Variants in LRFN5 observed in about 807,000 individuals in gnomAD.
LRFN5 encodes the protein leucine-rich repeat and fibronectin type-III domain-containing protein 5.
A neutral mutation model predicts 45.6 loss-of-function variants in LRFN5; 24 were observed. The ratio of observed to expected loss-of-function variants is 0.53; its 90% CI spans 0.38 to 0.74. The LOEUF is 0.74. Ranked by LOEUF, LRFN5 falls within the 30% of genes least tolerant of loss-of-function variation. LRFN5 has a pLI of 0.00. For synonymous variants in LRFN5, 340 were observed against 313.8 expected, an observed-to-expected ratio of 1.08 and a Z score of -0.88; for missense variants, 776 against 861.5, an observed-to-expected ratio of 0.90 and a Z score of 1.24.
At chr14:41,830,410 G>A (rs1258565001) in intron 2 of LRFN5, among the ~76,000 whole-genome samples, 3 of 151,720 alleles carry the variant, frequency 2.0e-5, no homozygotes, top group Admixed American at 1.3e-4. Flanking sequence ...ATATTTAAAG[G>A]GTTTTATTAA....
intron 1 of LRFN5, among the ~76,000 whole-genome samples, chr14:41,725,718 T>C (rs1318531017): frequency 6.6e-6 from 1 of 152,154 alleles, no homozygotes; most frequent in African/African-American, 2.4e-5. Flanking sequence ...TATTTCTAAG[T>C]CTCCACTGAA....
intron 1 of LRFN5, among the ~76,000 whole-genome samples, chr14:41,615,717 A>C (rs925600328): frequency 6.6e-6 from 1 of 152,072 alleles, no homozygotes; most frequent in Non-Finnish European, 1.5e-5. Context: ...CCATTTGATC[A>C]ATGTTTTCTT....
At chr14:41,770,657 G>A (rs1886048580) in intron 2 of LRFN5, among the ~76,000 whole-genome samples, 1 of 152,162 alleles carries the variant, frequency 6.6e-6, no homozygotes, top group Non-Finnish European at 1.5e-5. Flanking sequence ...AAGGACTTGG[G>A]TAGCCCTGTG....
At chr14:41,713,419 TACAAAG>T (rs1203490526) in intron 1 of LRFN5, among the ~76,000 whole-genome samples, 1 of 152,066 alleles carries the variant, frequency 6.6e-6, no homozygotes, top group Non-Finnish European at 1.5e-5. Flanking sequence ...GTACATCTAG[TACAAAG>T]ACAATCTATA....
intron 1 of LRFN5, among the ~76,000 whole-genome samples, chr14:41,717,746 T>C (rs1305761289): frequency 6.6e-6 from 1 of 152,204 alleles, no homozygotes; most frequent in Non-Finnish European, 1.5e-5. Context: ...ACTGTATAAC[T>C]CTAGTGAACA....
At chr14:41,757,948 A>T (rs1193590602) in intron 1 of LRFN5, among the ~76,000 whole-genome samples, 1 of 152,136 alleles carries the variant, frequency 6.6e-6, no homozygotes, top group Non-Finnish European at 1.5e-5. Flanking sequence ...ATCAGAAATC[A>T]ATTCACTCAC....
chr14:41,690,546 C>G (rs1358859674), intron 1 of LRFN5, among the ~76,000 whole-genome samples: 1 of 152,096 alleles, frequency 6.6e-6, no homozygotes, highest in East Asian at 1.9e-4. Context: ...CAAAGCAACA[C>G]TCTGTCTCAA....
intron 2 of LRFN5, among the ~76,000 whole-genome samples, chr14:41,790,589 T>A (rs201005735): frequency 2.7e-5 from 4 of 145,620 alleles, no homozygotes; most frequent in Non-Finnish European, 6.1e-5. Context: ...TTTTTTTTTT[T>A]AAGGGCTGAT....
intron 1 of LRFN5, among the ~76,000 whole-genome samples, chr14:41,628,031 T>C (rs942844279): frequency 6.6e-6 from 1 of 152,190 alleles, no homozygotes; most frequent in Non-Finnish European, 1.5e-5. Context: ...ATTTAACTGA[T>C]AGGTACTTTC....
chr14:41,779,845 G>C (rs555921280), intron 2 of LRFN5, among the ~76,000 whole-genome samples: 1 of 151,842 alleles, frequency 6.6e-6, no homozygotes, highest in Non-Finnish European at 1.5e-5. Flanking sequence ...GTAGTAATTT[G>C]TGTCTTATCT....
intron 1 of LRFN5, among the ~76,000 whole-genome samples, chr14:41,611,555 A>G (rs1030612112): frequency 6.6e-6 from 1 of 152,220 alleles, no homozygotes; most frequent in Non-Finnish European, 1.5e-5. Flanking sequence ...AGATATCTAT[A>G]AGAACAAGCA....
At chr14:41,688,385 A>G (rs1460024889) in intron 1 of LRFN5, among the ~76,000 whole-genome samples, 1 of 152,082 alleles carries the variant, frequency 6.6e-6, no homozygotes, top group African/African-American at 2.4e-5. Flanking sequence ...CCCTGATGTG[A>G]TTATTATATA....
intron 2 of LRFN5, among the ~76,000 whole-genome samples, chr14:41,837,377 G>T (rs1450984677): frequency 6.6e-6 from 1 of 152,062 alleles, no homozygotes; most frequent in Non-Finnish European, 1.5e-5. Context: ...ACAGGGCAGT[G>T]GAGAAAGACA....
chr14:41,814,755 G>T (rs1382016921), intron 2 of LRFN5, among the ~76,000 whole-genome samples: 2 of 151,458 alleles, frequency 1.3e-5, no homozygotes, highest in African/African-American at 4.9e-5. Flanking sequence ...CTTTTTCATT[G>T]TTGGGTATAT....
At chr14:41,719,918 T>C (rs1289404430) in intron 1 of LRFN5, among the ~76,000 whole-genome samples, 3 of 152,070 alleles carry the variant, frequency 2.0e-5, no homozygotes, top group Admixed American at 2.0e-4. Flanking sequence ...ATCTGAACTA[T>C]CTCTCCATAT....
At chr14:41,621,546 T>G (rs1888136885) in intron 1 of LRFN5, among the ~76,000 whole-genome samples, 1 of 152,074 alleles carries the variant, frequency 6.6e-6, no homozygotes, top group South Asian at 2.1e-4. Flanking sequence ...GTGAGACAGG[T>G]GGAATTATAT....
chr14:41,704,438 C>CTGTGTG lies in LRFN5; in HGVS notation c.-196-62415_-196-62414insGTGTGT, dbSNP rs199862342. On this transcript the variant is annotated intron_variant, in intron 1 of 5. Transcript: ENST00000298119. The stretch of plus-strand genomic sequence containing the variant: ...TCTCTCTCTCTCTCTCTCTCTCTCT[C>CTGTGTG]TCTCTCTCTCTGTGTGTGTGTGTCT... 3.9e-4 allele frequency among the ~76,000 whole-genome samples: 44 copies of CTGTGTG among 111,704 alleles called. 2 individuals are homozygous for CTGTGTG. The highest frequency in any genetic ancestry group is 1.1e-3 in the South Asian group (4 of 3,688). 73.3% of individuals were successfully genotyped at this position (111,704 alleles called of 152,430 possible).
intron 2 of LRFN5, among the ~76,000 whole-genome samples, chr14:41,790,167 G>A (rs770319605): frequency 6.6e-6 from 1 of 151,860 alleles, no homozygotes; most frequent in African/African-American, 2.4e-5. Flanking sequence ...CTAGTTTCGA[G>A]AGACACTTTT....
intron 1 of LRFN5, among the ~76,000 whole-genome samples, chr14:41,690,975 C>A (rs1183249529): frequency 6.6e-6 from 1 of 151,922 alleles, no homozygotes; most frequent in Non-Finnish European, 1.5e-5. Context: ...ATTCCTGACA[C>A]AGAATAAAAG....
Sources: gnomAD v4.1 joint callset for allele counts (sites outside exome capture counted in the v4.1 genomes callset) on GRCh38, gnomAD v4.1.1 for gene constraint, MANE v1.5 for transcripts, NCBI Gene and HGNC (gene_info 2026-07-23, HGNC 2026-07-21) for gene names.